Variants in TRA2A observed in about 807,000 individuals in gnomAD.
TRA2A encodes the protein transformer-2 protein homolog alpha.
Under a neutral mutation model 45.7 loss-of-function variants are expected in TRA2A, and 31 were observed. That is an observed-to-expected ratio of 0.68 (90% CI 0.51 to 0.92). TRA2A has a LOEUF of 0.92. TRA2A is among the 40% of genes least tolerant of loss of function. The probability of loss-of-function intolerance (pLI) is 0.00; values close to 1 mark genes in which losing one functional copy is unlikely to be tolerated. For missense variants in TRA2A, 304 were observed against 367.5 expected (o/e 0.83, Z 1.41); for synonymous variants, 132 against 126.2 (o/e 1.05, Z -0.31).
intron 1 of TRA2A, among the ~76,000 whole-genome samples, chr7:23,525,889 C>G (rs948812733): frequency 2.0e-5 from 3 of 152,192 alleles, no homozygotes; most frequent in Non-Finnish European, 2.9e-5. Flanking sequence ...AGCCACTGCA[C>G]CCGGCCTGCT....
intron 4 of TRA2A, among the ~76,000 whole-genome samples, chr7:23,511,430 A>C (rs1789614660): frequency 6.8e-6 from 1 of 146,594 alleles, no homozygotes; most frequent in Non-Finnish European, 1.5e-5. Context: ...AGAAAAGAAA[A>C]ACACCCTGAT....
rs5882904 is a variant in TRA2A at position 23,505,585 on chromosome 7, C to CAAAAA, written c.839-21_839-17dup. ...CAATAGCGTCCTAAAAGAGAAAAAG[C>CAAAAA]AAAAAAAAAAAAAAAAAAAAAAAGT... On this transcript the variant is annotated splice_polypyrimidine_tract_variant and intron_variant, in intron 7 of 7. Transcript: ENST00000297071. 171 of 244,858 alleles carry CAAAAA rather than the reference C, an allele frequency of 7.0e-4. 1 individual carries two copies. The highest frequency in any genetic ancestry group is 4.8e-3 in the African/African-American group (87 of 18,080). The allele number at this position is 244,858 out of a possible 1,614,324, so 15.2% of individuals were successfully genotyped here. A position where few individuals can be genotyped will look rare whatever the true frequency, so the allele number is the denominator to read the frequency against.
intron 1 of TRA2A, chr7:23,531,387 G>T (rs1790575961): frequency 3.0e-6 from 1 of 331,612 alleles, no homozygotes; most frequent in Non-Finnish European, 4.6e-6. Flanking sequence ...GCTCGGGGTC[G>T]CCAGAAATGC....
At chr7:23,511,347 G>A (rs1054790438) in intron 4 of TRA2A, among the ~76,000 whole-genome samples, 5 of 114,198 alleles carry the variant, frequency 4.4e-5, no homozygotes, top group African/African-American at 6.6e-5. Context: ...CTCCAGCCTG[G>A]GCGACAGAGC....
rs1417184374 is a variant in TRA2A, at chr7:23,504,997, A to G, written c.*562T>C. 1 of 152,590 alleles carries G rather than the reference A, an allele frequency of 6.6e-6. No individual in the cohort carries two copies. The highest frequency in any genetic ancestry group is 1.5e-5 in the Non-Finnish European group (1 of 68,058). 9.5% of individuals were successfully genotyped at this position (152,590 alleles called of 1,614,324 possible). A position where few individuals can be genotyped will look rare whatever the true frequency, so the allele number is the denominator to read the frequency against. ...ACAACAACAAAAAAAATCACACTTTAGTTTTTAAGTTTTAACAGATGTATT... is the reference window on the plus strand; with the variant it reads ...ACAACAACAAAAAAAATCACACTTTGGTTTTTAAGTTTTAACAGATGTATT... On this transcript the variant is annotated 3_prime_UTR_variant, in exon 8 of 8. Transcript: ENST00000297071.
In TRA2A at chr7:23,505,204, T is replaced by C. The variant is rs1036085503; in HGVS notation, c.*355A>G. 9.0e-6 allele frequency: 2 copies of C among 222,316 alleles called. No homozygotes were observed. Among genetic ancestry groups the C allele is most frequent in the East Asian group, 9.1e-5 (1 of 11,014 alleles). The allele number at this position is 222,316 out of a possible 1,614,324, so 13.8% of individuals were successfully genotyped here. ...ACTCATGATAAATGCAGATCTCTAA[T>C]ACAGTATCTAACACAAAAGAAGCTT... On this transcript the variant is annotated 3_prime_UTR_variant, in exon 8 of 8. Coordinates refer to ENST00000297071, the MANE Select transcript of TRA2A (RefSeq NM_013293.5).
intron 3 of TRA2A, among the ~76,000 whole-genome samples, chr7:23,513,469 T>C (rs576142087): frequency 2.0e-5 from 3 of 152,190 alleles, no homozygotes; most frequent in African/African-American, 7.2e-5. Flanking sequence ...AATACAAAAA[T>C]TAGCTGGGCA....
chr7:23,510,082 A>G (rs1032818024), intron 4 of TRA2A, among the ~76,000 whole-genome samples: 4 of 152,070 alleles, frequency 2.6e-5, no homozygotes, highest in African/African-American at 7.2e-5. Flanking sequence ...AAAAAAATCA[A>G]ATCACTTCAG....
chr7:23,507,570 T>A, intron 4 of TRA2A, 35 bp from the exon 5 acceptor site: 1 of 1,427,438 alleles, frequency 7.0e-7, no homozygotes, highest in Non-Finnish European at 9.9e-7. Flanking sequence ...CACGTATAAT[T>A]CACCAGTCTT....
intron 1 of TRA2A, among the ~76,000 whole-genome samples, chr7:23,528,826 C>T (rs115207655): frequency 1.5e-3 from 232 of 152,204 alleles, no homozygotes; most frequent in African/African-American, 5.5e-3. Context: ...TGCCACCCCG[C>T]AGGGCCTGTA....
At chr7:23,510,696 TAAAAAATATTAATAATA>T in intron 4 of TRA2A, among the ~76,000 whole-genome samples, 1 of 152,224 alleles carries the variant, frequency 6.6e-6, no homozygotes, top group East Asian at 1.9e-4. Context: ...CGTTTCACAT[TAAAAAATATTAATAATA>T]AAAAAATTAC....
At chr7:23,531,641 G>A (rs537854007) in intron 1 of TRA2A, 148 bp downstream of exon 1, 2 of 786,146 alleles carry the variant, frequency 2.5e-6, no homozygotes, top group East Asian at 2.6e-5. Context: ...GAACCCAGAA[G>A]CCATCTTGGG....
In TRA2A at chr7:23,516,386, G is replaced by A; in HGVS notation, c.313C>T (p.Arg105Trp). ...RSRSHSPMSNRRRHTGSRANP... is the reference protein window; with the variant it reads ...RSRSHSPMSNWRRHTGSRANP... ...ACCCTGCTGCCAGTATGTCTTCTCC[G>A]GTTAGACATTGGAGAATGGCTTCGG... The change falls in exon 3 of 8, where the codon CGG becomes TGG. Residue 105 changes from arginine (R) to tryptophan (W), a missense_variant. Physicochemically the swap from Arg to Trp is moderately radical, Grantham distance 101. Coordinates refer to ENST00000297071, the MANE Select transcript of TRA2A (RefSeq NM_013293.5). 2 of 1,614,148 alleles carry A rather than the reference G, an allele frequency of 1.2e-6. No homozygotes were observed. Among genetic ancestry groups the A allele is most frequent in the Non-Finnish European group, 1.7e-6 (2 of 1,180,014 alleles).
chr7:23,506,744 A>G (rs1789355741), intron 5 of TRA2A, among the ~76,000 whole-genome samples: 1 of 152,188 alleles, frequency 6.6e-6, no homozygotes, highest in Admixed American at 6.5e-5. Context: ...ATTCCCAAGA[A>G]ATACCTCTGT....
Position 23,521,830 on chromosome 7 carries a change from G to C in TRA2A, c.47C>G (p.Ser16Cys), listed in dbSNP as rs1428325822. ...AGTTCCCGTTGGAGATTTTGACTGA[G>C]AGCGAGACTCCTAACAAAGAAGACA... ...ENNFEGRESR[S>C]QSKSPTGTPA... Residue 16 changes from serine (S) to cysteine (C), a missense_variant, in exon 2 of 8, where the codon TCT becomes TGT. Physicochemically the swap from Ser to Cys is moderately radical, Grantham distance 112. Transcript: ENST00000297071. 5 of 1,613,948 alleles carry C rather than the reference G, an allele frequency of 3.1e-6. No individual in the cohort carries two copies. The South Asian group carries it at 3.3e-5, about 11-fold the overall frequency.
In TRA2A at chr7:23,516,227, G is replaced by A. The variant is rs761959668; in HGVS notation, c.336+136C>T. On this transcript the variant is annotated intron_variant, in intron 3 of 7. Transcript: ENST00000297071. ...TGGTGGCATTTCCTTTACTTTGAAA[G>A]CTAAAGCAGCTTATTAAGGATGTTT... 49 of 762,810 alleles carry A rather than the reference G, an allele frequency of 6.4e-5. 1 individual carries two copies. Among genetic ancestry groups the A allele is most frequent in the Non-Finnish European group, 9.4e-5 (45 of 478,134 alleles). 47.3% of individuals were successfully genotyped at this position (762,810 alleles called of 1,614,324 possible).
chr7:23,528,270 C>A (rs991338302), intron 1 of TRA2A, among the ~76,000 whole-genome samples: 1 of 151,124 alleles, frequency 6.6e-6, no homozygotes, highest in African/African-American at 2.4e-5. Context: ...AGTGCAGTGG[C>A]CGACCTCGGC....
intron 1 of TRA2A, among the ~76,000 whole-genome samples, chr7:23,527,002 C>T (rs1250553011): frequency 6.6e-6 from 1 of 152,042 alleles, no homozygotes; most frequent in African/African-American, 2.4e-5. Context: ...AAACGTGGTT[C>T]ATAAGTCTCA....
chr7:23,513,139 CAG>C (rs1464531195), intron 3 of TRA2A, 57 bp from the exon 4 acceptor site: 3 of 1,272,690 alleles, frequency 2.4e-6, no homozygotes, highest in African/African-American at 3.0e-5. Flanking sequence ...CAAAGAAACA[CAG>C]AAATACTTTG....
Sources: gnomAD v4.1 joint callset for allele counts (sites outside exome capture counted in the v4.1 genomes callset) on GRCh38, gnomAD v4.1.1 for gene constraint, MANE v1.5 for transcripts, NCBI Gene and HGNC (gene_info 2026-07-23, HGNC 2026-07-21) for gene names.